TASP1: variants seen among roughly 807,000 people sequenced by gnomAD.
TASP1 encodes the protein threonine aspartase 1.
Under a neutral mutation model 56.6 loss-of-function variants are expected in TASP1, and 16 were observed. The observed-to-expected ratio is 0.28, with a 90% CI of 0.19 to 0.43. The LOEUF is 0.43. TASP1 is among the 20% of genes least tolerant of loss of function. TASP1 has a pLI of 1.00. For synonymous variants in TASP1, 179 were observed against 184.2 expected (o/e 0.97, Z 0.23); for missense variants, 393 against 511.6 (o/e 0.77, Z 2.24).
chr20:13,606,142 T>C (rs1034783743), intron 4 of TASP1, among the ~76,000 whole-genome samples: 2 of 151,948 alleles, frequency 1.3e-5, no homozygotes, highest in East Asian at 1.9e-4. Context: ...CGTGCGTGTG[T>C]GTGTGTGTGT....
the TASP1 span, among the ~76,000 whole-genome samples, chr20:13,356,295 A>T: frequency 6.6e-6 from 1 of 152,192 alleles, no homozygotes; most frequent in Non-Finnish European, 1.5e-5. Flanking sequence ...CCCAGATTTC[A>T]CAATGAACAA....
chr20:13,245,079 C>T, the TASP1 span, among the ~76,000 whole-genome samples: 2 of 152,156 alleles, frequency 1.3e-5, no homozygotes, highest in African/African-American at 4.8e-5. Context: ...GCACTTATTC[C>T]CTGCCACCCC....
chr20:13,185,603 CACCTGT>C, the TASP1 span, among the ~76,000 whole-genome samples: 1 of 152,138 alleles, frequency 6.6e-6, no homozygotes, highest in Non-Finnish European at 1.5e-5. Flanking sequence ...TTTTGTTGCA[CACCTGT>C]ACTTGATTCC....
At chr20:13,440,540 G>C (rs73078057) in intron 11 of TASP1, among the ~76,000 whole-genome samples, 1 of 152,072 alleles carries the variant, frequency 6.6e-6, no homozygotes, top group Non-Finnish European at 1.5e-5. Context: ...AGATTTTGAG[G>C]AAAGTTTGGA....
the TASP1 span, among the ~76,000 whole-genome samples, chr20:13,122,512 C>T: frequency 0.54 from 82,699 of 151,982 alleles, 24,383 homozygotes; most frequent in African/African-American, 0.8. Flanking sequence ...GGTGGGGCTC[C>T]AGAGCCAGCT....
At chr20:13,278,934 T>C in the TASP1 span, among the ~76,000 whole-genome samples, 4 of 152,192 alleles carry the variant, frequency 2.6e-5, no homozygotes, top group Non-Finnish European at 4.4e-5. Context: ...CTTCCTTACA[T>C]AGCGGTTAGA....
the TASP1 span, among the ~76,000 whole-genome samples, chr20:13,130,435 T>C: frequency 6.6e-6 from 1 of 152,224 alleles, no homozygotes; most frequent in Admixed American, 6.5e-5. Flanking sequence ...GATCTGTTCC[T>C]TGATGAATGT....
chr20:13,270,707 C>T, the TASP1 span: 1 of 1,613,878 alleles, frequency 6.2e-7, no homozygotes, highest in Non-Finnish European at 8.5e-7. Context: ...CAGATCTTTC[C>T]AAAGCTGATA....
intron 1 of TASP1, among the ~76,000 whole-genome samples, chr20:13,633,830 C>CA (rs78786884): frequency 4.6e-3 from 589 of 127,816 alleles, no homozygotes; most frequent in African/African-American, 7.2e-3. Flanking sequence ...AGGTTTAGAC[C>CA]AAAAAAAAAA....
chr20:13,129,467 T>G, the TASP1 span, among the ~76,000 whole-genome samples: 2 of 152,238 alleles, frequency 1.3e-5, no homozygotes, highest in Non-Finnish European at 2.9e-5. Flanking sequence ...GAAAATCAAT[T>G]ATTTGAGATT....
intron 10 of TASP1, among the ~76,000 whole-genome samples, chr20:13,491,058 G>A (rs2043509922): frequency 6.6e-6 from 1 of 152,124 alleles, no homozygotes; most frequent in Non-Finnish European, 1.5e-5. Context: ...CACTGAGAGA[G>A]CCTAAAATAG....
At chr20:13,472,147 C>G (rs376805280) in intron 11 of TASP1, among the ~76,000 whole-genome samples, 1 of 150,718 alleles carries the variant, frequency 6.6e-6, no homozygotes, top group Non-Finnish European at 1.5e-5. Flanking sequence ...TACCGACCAA[C>G]GGAACAGAAC....
chr20:13,320,682 G>A, the TASP1 span, among the ~76,000 whole-genome samples: 2 of 152,080 alleles, frequency 1.3e-5, no homozygotes, highest in African/African-American at 2.4e-5. Context: ...ACAAGTTCTG[G>A]GTTTCCTCAG....
At chr20:13,115,522 T>G in the TASP1 span, among the ~76,000 whole-genome samples, 55,117 of 152,054 alleles carry the variant, frequency 0.36, 10,104 homozygotes, top group Admixed American at 0.4. Flanking sequence ...AAATGGCTAT[T>G]TGTGGCATGT....
intron 4 of TASP1, among the ~76,000 whole-genome samples, chr20:13,609,661 G>A (rs2147424359): frequency 6.8e-6 from 1 of 148,042 alleles, no homozygotes; most frequent in East Asian, 2.0e-4. Flanking sequence ...GCTCCAGCCT[G>A]GGCAACAAGC....
chr20:13,391,849 T>C (rs2041296603), intron 13 of TASP1, among the ~76,000 whole-genome samples: 1 of 151,364 alleles, frequency 6.6e-6, no homozygotes, highest in Non-Finnish European at 1.5e-5. Flanking sequence ...GCGCCTGTAG[T>C]CCCAGCTACT....
At chr20:13,374,509 C>T in the TASP1 span, among the ~76,000 whole-genome samples, 68 of 152,126 alleles carry the variant, frequency 4.5e-4, no homozygotes, top group South Asian at 0.01. Context: ...CCACCGCGCC[C>T]GGCTAATTTT....
the TASP1 span, chr20:13,288,431 C>T: frequency 8.4e-7 from 1 of 1,190,742 alleles, no homozygotes. Context: ...TCCAGCAATC[C>T]CCTCCCACAG....
At chr20:13,566,828 G>C (rs1002888793) in intron 7 of TASP1, among the ~76,000 whole-genome samples, 2 of 152,156 alleles carry the variant, frequency 1.3e-5, no homozygotes, top group African/African-American at 4.8e-5. Flanking sequence ...ACTGCTGGTG[G>C]AAGTGTAAAT....
Sources: gnomAD v4.1 joint callset for allele counts (sites outside exome capture counted in the v4.1 genomes callset) on GRCh38, gnomAD v4.1.1 for gene constraint, MANE v1.5 for transcripts, NCBI Gene and HGNC (gene_info 2026-07-23, HGNC 2026-07-21) for gene names.